Variants in NTPCR observed in about 807,000 individuals in gnomAD.
The protein encoded by NTPCR is cancer-related nucleoside-triphosphatase.
NTPCR carries 15 observed loss-of-function variants against 19.5 expected under a neutral mutation model. The observed-to-expected ratio is 0.77, with a 90% CI of 0.51 to 1.18. The LOEUF (loss-of-function observed/expected upper bound fraction) is 1.18. Among genes scored for constraint, NTPCR ranks in the 50% most tolerant of loss-of-function variants. The probability of loss-of-function intolerance (pLI) is 0.00; values close to 1 mark genes in which losing one functional copy is unlikely to be tolerated. For synonymous variants in NTPCR, 90 were observed against 95.8 expected, an observed-to-expected ratio of 0.94 and a Z score of 0.36; for missense variants, 206 against 240.4, an observed-to-expected ratio of 0.86 and a Z score of 0.95.
chr1:232,976,358 T>C (rs1048007836), intron 4 of NTPCR: 3 of 1,546,534 alleles, frequency 1.9e-6, no homozygotes, highest in African/African-American at 2.7e-5. Flanking sequence ...TACTGTGTCA[T>C]AGAAGACCAG....
intron 3 of NTPCR, chr1:232,963,673 G>A (rs983714862): frequency 2.0e-5 from 3 of 152,170 alleles, no homozygotes; most frequent in Non-Finnish European, 2.9e-5. Context: ...AAGTACATAC[G>A]TGTGTGTTTT....
intron 3 of NTPCR, among the ~76,000 whole-genome samples, chr1:232,959,511 A>T (rs1668609430): frequency 6.6e-6 from 1 of 152,168 alleles, no homozygotes; most frequent in Non-Finnish European, 1.5e-5. Flanking sequence ...CCCATCATAC[A>T]TATTTTATGG....
At chr1:232,963,067 T>A (rs762761266) in intron 3 of NTPCR, 1 of 152,210 alleles carries the variant, frequency 6.6e-6, no homozygotes, top group East Asian at 1.9e-4. Flanking sequence ...TGTTAGCAAA[T>A]GTGGCATTTG....
At chr1:232,975,869 A>G (rs1243155851) in intron 4 of NTPCR, among the ~76,000 whole-genome samples, 2 of 152,194 alleles carry the variant, frequency 1.3e-5, no homozygotes, top group Non-Finnish European at 1.5e-5. Flanking sequence ...TTCTCAGGAA[A>G]GGCTTTCTGC....
Position 232,982,547 on chromosome 1 carries a change from T to C in NTPCR, c.*4316T>C, listed in dbSNP as rs1465507457. The C allele has an allele frequency of 6.6e-6, 1 of 152,256 alleles. No individual in the cohort carries two copies. Among genetic ancestry groups the C allele is most frequent in the Non-Finnish European group, 1.5e-5 (1 of 68,056 alleles). The allele number at this position is 152,256 out of a possible 1,614,324, so 9.4% of individuals were successfully genotyped here. ...TGATAAGCAATGAACAGAATAACTGTTGAAGAAGCACCTCATGAACCTCCC... is the reference window on the plus strand; with the variant it reads ...TGATAAGCAATGAACAGAATAACTGCTGAAGAAGCACCTCATGAACCTCCC... On this transcript the variant is annotated 3_prime_UTR_variant, in exon 5 of 5. Coordinates refer to ENST00000366628, the MANE Select transcript of NTPCR (RefSeq NM_032324.3).
intron 3 of NTPCR, 150 bp downstream of exon 3, chr1:232,956,593 C>T: frequency 1.6e-6 from 1 of 613,304 alleles, no homozygotes; most frequent in South Asian, 2.0e-5. Context: ...GGATAAACAA[C>T]ATAATTTGCT....
intron 3 of NTPCR, among the ~76,000 whole-genome samples, chr1:232,958,490 A>G (rs753100174): frequency 9.9e-5 from 15 of 152,232 alleles, no homozygotes; most frequent in Non-Finnish European, 1.8e-4. Flanking sequence ...GATTTTAGCT[A>G]TAGCCTCTGA....
chr1:232,950,899 T>G, intron 1 of NTPCR, 155 bp downstream of exon 1: 1 of 583,066 alleles, frequency 1.7e-6, no homozygotes, highest in South Asian at 2.0e-5. Context: ...CTGAAGAGTT[T>G]GTACTCCTTC....
Position 232,967,934 on chromosome 1 carries a change from A to T in NTPCR, c.295-1975A>T, listed in dbSNP as rs1165942978. ...TCTTGTACAGTTGTCTGTTTTTATT[A>T]TCATAGACAGGTGGTTGATAGCTGT... is the stretch of plus-strand genomic sequence containing the variant. On this transcript the variant is annotated intron_variant, in intron 3 of 4. Coordinates refer to ENST00000366628, the MANE Select transcript of NTPCR (RefSeq NM_032324.3). 6 of 152,266 alleles carry T rather than the reference A, an allele frequency of 3.9e-5. No homozygotes were observed. In the South Asian group the frequency reaches 6.2e-4, roughly 16 times the overall value. 9.4% of individuals were successfully genotyped at this position (152,266 alleles called of 1,614,324 possible).
At chr1:232,974,563 C>T (rs766594238) in intron 4 of NTPCR, among the ~76,000 whole-genome samples, 1 of 152,150 alleles carries the variant, frequency 6.6e-6, no homozygotes, top group Non-Finnish European at 1.5e-5. Context: ...AAGAACAGTA[C>T]CTGAGAAGGA....
intron 4 of NTPCR, chr1:232,976,678 C>T (rs1331342067): frequency 8.5e-7 from 1 of 1,181,504 alleles, no homozygotes; most frequent in Non-Finnish European, 1.1e-6. Context: ...GCAGCCAGGA[C>T]CAGTAGAAAT....
intron 4 of NTPCR, among the ~76,000 whole-genome samples, chr1:232,972,282 G>A (rs1200527098): frequency 1.3e-5 from 2 of 152,066 alleles, no homozygotes; most frequent in Non-Finnish European, 2.9e-5. Flanking sequence ...TGGTCCTTCT[G>A]TTTCAGTTTT....
chr1:232,951,974 T>G (rs1038825857), intron 1 of NTPCR, among the ~76,000 whole-genome samples: 8 of 152,194 alleles, frequency 5.3e-5, no homozygotes, highest in Non-Finnish European at 4.4e-5. Context: ...GTGATTGTAT[T>G]GATGGTGGTT....
At chr1:232,960,681 G>A (rs1230554003) in intron 3 of NTPCR, among the ~76,000 whole-genome samples, 2 of 152,064 alleles carry the variant, frequency 1.3e-5, no homozygotes, top group Non-Finnish European at 2.9e-5. Flanking sequence ...CCTGAGCATC[G>A]TGGTCGCTCG....
At position 232,978,449 on chromosome 1, in the gene NTPCR, A is replaced by G. The variant is rs193218572; in HGVS notation, c.*218A>G. On this transcript the variant is annotated 3_prime_UTR_variant, in exon 5 of 5. Coordinates refer to ENST00000366628, the MANE Select transcript of NTPCR (RefSeq NM_032324.3). Reference sequence around the variant, plus strand: ...ATTAACTATCCATTGTGGCTTATCTATGCTTAAAGATTTCTTGTTTATTTC... The same window carrying G: ...ATTAACTATCCATTGTGGCTTATCTGTGCTTAAAGATTTCTTGTTTATTTC... 6 of 458,918 alleles carry G rather than the reference A, an allele frequency of 1.3e-5. No individual in the cohort carries two copies. The highest frequency in any genetic ancestry group is 7.7e-5 in the Admixed American group (2 of 26,096). 28.4% of individuals were successfully genotyped at this position (458,918 alleles called of 1,614,324 possible). A position where few individuals can be genotyped will look rare whatever the true frequency, so the allele number is the denominator to read the frequency against.
intron 3 of NTPCR, chr1:232,969,677 T>C (rs1668918723): frequency 2.2e-6 from 1 of 457,072 alleles, no homozygotes; most frequent in South Asian, 2.8e-5. Flanking sequence ...GTGACAGGCA[T>C]AGCTGCCAGC....
intron 4 of NTPCR, among the ~76,000 whole-genome samples, chr1:232,970,363 T>C (rs536428628): frequency 1.5e-4 from 23 of 152,334 alleles, no homozygotes; most frequent in South Asian, 6.2e-4. Flanking sequence ...TTTTCTTCCA[T>C]CTCCTCACCA....
rs938173511 is a variant in NTPCR at position 232,981,849 on chromosome 1, C to T, written c.*3618C>T. Reference sequence around the variant, plus strand: ...TCTCCTGCCTCAACCTCCTGAGTAGCTGGGATTACAGGCACCCGCCACCAC... The same window carrying T: ...TCTCCTGCCTCAACCTCCTGAGTAGTTGGGATTACAGGCACCCGCCACCAC... On this transcript the variant is annotated 3_prime_UTR_variant, in exon 5 of 5. Coordinates refer to ENST00000366628, the MANE Select transcript of NTPCR (RefSeq NM_032324.3). 2.0e-5 allele frequency: 3 copies of T among 151,558 alleles called. No individual in the cohort carries two copies. The highest frequency in any genetic ancestry group is 3.9e-4 in the East Asian group (2 of 5,132). 9.4% of individuals were successfully genotyped at this position (151,558 alleles called of 1,614,324 possible). A position where few individuals can be genotyped will look rare whatever the true frequency, so the allele number is the denominator to read the frequency against.
intron 3 of NTPCR, among the ~76,000 whole-genome samples, chr1:232,959,212 G>A (rs142126909): frequency 6.6e-6 from 1 of 152,090 alleles, no homozygotes; most frequent in East Asian, 1.9e-4. Flanking sequence ...CTGTTCTCCC[G>A]ATAGTGAGGG....
Sources: gnomAD v4.1 joint callset for allele counts (sites outside exome capture counted in the v4.1 genomes callset) on GRCh38, gnomAD v4.1.1 for gene constraint, MANE v1.5 for transcripts, NCBI Gene and HGNC (gene_info 2026-07-23, HGNC 2026-07-21) for gene names.